KIF16B: variants seen among roughly 807,000 people sequenced by gnomAD.
The protein encoded by KIF16B is kinesin family member 16B, also known as kinesin-like protein KIF16B.
KIF16B carries 98 observed loss-of-function variants against 156.3 expected under a neutral mutation model. That is an observed-to-expected ratio of 0.63 (90% confidence interval 0.53 to 0.74). KIF16B has a LOEUF of 0.74. Ranked by LOEUF, KIF16B falls within the 30% of genes least tolerant of loss-of-function variation. The pLI, the probability that KIF16B is intolerant of heterozygous loss-of-function variation, is 0.00. For missense variants in KIF16B, 1,421 were observed against 1,606.5 expected (o/e 0.88, Z 1.97); for synonymous variants, 564 against 583.7 (o/e 0.97, Z 0.49).
intron 1 of KIF16B, among the ~76,000 whole-genome samples, chr20:16,562,350 T>A (rs62196309): frequency 0.03 from 4,531 of 152,216 alleles, 83 homozygotes; most frequent in Middle Eastern, 0.075. Context: ...TAATATTAAG[T>A]AAACTTAATA....
At chr20:16,414,779 C>A (rs572874520) in intron 15 of KIF16B, among the ~76,000 whole-genome samples, 1 of 152,186 alleles carries the variant, frequency 6.6e-6, no homozygotes, top group South Asian at 2.1e-4. Context: ...TTTCTTAACA[C>A]CTCATGCGAG....
chr20:16,524,455 G>T (rs894120903), intron 3 of KIF16B, among the ~76,000 whole-genome samples: 11 of 152,172 alleles, frequency 7.2e-5, no homozygotes, highest in African/African-American at 2.7e-4. Flanking sequence ...TTAGAGAAAT[G>T]CAAATCAAAA....
chr20:16,419,670 GAGT>G (rs1460649220), intron 15 of KIF16B, among the ~76,000 whole-genome samples: 3 of 152,046 alleles, frequency 2.0e-5, no homozygotes, highest in Admixed American at 6.6e-5. Context: ...AAGACCAAAG[GAGT>G]CCACTTATGT....
At chr20:16,463,408 A>G (rs1021065756) in intron 12 of KIF16B, among the ~76,000 whole-genome samples, 1 of 152,220 alleles carries the variant, frequency 6.6e-6, no homozygotes, top group Non-Finnish European at 1.5e-5. Flanking sequence ...GTATCCTAGC[A>G]TTAGAAAACA....
chr20:16,319,977 G>A (rs576327704), intron 24 of KIF16B, among the ~76,000 whole-genome samples: 9 of 152,218 alleles, frequency 5.9e-5, no homozygotes, highest in East Asian at 1.9e-4. Flanking sequence ...AACACTCAAC[G>A]CAGGCTCATG....
At chr20:16,387,649 G>A (rs1208849105) in intron 17 of KIF16B, among the ~76,000 whole-genome samples, 1 of 152,190 alleles carries the variant, frequency 6.6e-6, no homozygotes, top group South Asian at 2.1e-4. Flanking sequence ...AGGCTTAGAA[G>A]GAAATGTCTG....
chr20:16,427,010 A>G (rs1451716985), intron 15 of KIF16B, 94 bp downstream of exon 15: 1 of 1,116,660 alleles, frequency 9.0e-7, no homozygotes, highest in African/African-American at 1.6e-5. Context: ...CTAATCAATA[A>G]TTAATTCTAA....
At chr20:16,392,616 G>A (rs937951107) in intron 17 of KIF16B, among the ~76,000 whole-genome samples, 7 of 152,222 alleles carry the variant, frequency 4.6e-5, no homozygotes, top group South Asian at 2.1e-4. Flanking sequence ...ACAACATGCC[G>A]ATACGCCTAA....
At chr20:16,484,929 A>AT (rs1239345536) in intron 12 of KIF16B, among the ~76,000 whole-genome samples, 2 of 152,146 alleles carry the variant, frequency 1.3e-5, no homozygotes, top group African/African-American at 2.4e-5. Context: ...CTCGTGGCAG[A>AT]TTTTTTTGCA....
chr20:16,367,082 T>C, intron 22 of KIF16B: 2 of 1,471,212 alleles, frequency 1.4e-6, no homozygotes, highest in Non-Finnish European at 1.8e-6. Flanking sequence ...CTTGACTGTT[T>C]TCACAATGCT....
chr20:16,312,526 C>G, intron 24 of KIF16B, 108 bp from the exon 25 acceptor site: 1 of 864,944 alleles, frequency 1.2e-6, no homozygotes. Flanking sequence ...AAGAAAGAGG[C>G]TGAAAGTTTA....
chr20:16,352,933 G>T lies in KIF16B; in HGVS notation c.3621+3397C>A, dbSNP rs376168524. 3.3e-5 allele frequency among the ~76,000 whole-genome samples: 5 copies of T among 152,326 alleles called. No homozygotes were observed. The South Asian group carries it at 8.3e-4, about 25-fold the overall frequency. ...GCAAACAGGGGTCTTATACCAGGGG[G>T]TGTCAGACCCTGCCCTGCTGGTCAC... On this transcript the variant is annotated intron_variant, in intron 23 of 25. Coordinates refer to ENST00000354981, the MANE Select transcript of KIF16B (RefSeq NM_024704.5).
intron 12 of KIF16B, among the ~76,000 whole-genome samples, chr20:16,455,832 G>A (rs1259077843): frequency 6.6e-6 from 1 of 152,094 alleles, no homozygotes; most frequent in Non-Finnish European, 1.5e-5. Context: ...CCAATGCAGA[G>A]AGAATGTGCC....
At chr20:16,466,902 G>A (rs896305012) in intron 12 of KIF16B, among the ~76,000 whole-genome samples, 1 of 148,394 alleles carries the variant, frequency 6.7e-6, no homozygotes, top group Admixed American at 6.7e-5. Flanking sequence ...AACTCAGTAA[G>A]TTAAACAAAC....
intron 17 of KIF16B, among the ~76,000 whole-genome samples, chr20:16,396,559 C>T (rs112912244): frequency 1.3e-5 from 2 of 149,588 alleles, no homozygotes; most frequent in African/African-American, 4.9e-5. Context: ...CATCTACACA[C>T]AGAGAGGGAG....
intron 17 of KIF16B, among the ~76,000 whole-genome samples, chr20:16,396,220 T>C (rs904716397): frequency 6.6e-6 from 1 of 151,956 alleles, no homozygotes; most frequent in South Asian, 2.1e-4. Flanking sequence ...GGGATCTAGG[T>C]TGCGCGCTCC....
intron 12 of KIF16B, among the ~76,000 whole-genome samples, chr20:16,463,153 T>G (rs2067394227): frequency 6.6e-6 from 1 of 152,220 alleles, no homozygotes; most frequent in Admixed American, 6.5e-5. Context: ...AAAGACCTGC[T>G]CAGGAGCCCC....
intron 12 of KIF16B, among the ~76,000 whole-genome samples, chr20:16,474,399 G>A (rs762610150): frequency 6.6e-6 from 1 of 152,182 alleles, no homozygotes; most frequent in Non-Finnish European, 1.5e-5. Context: ...GAAGTGCTTA[G>A]GGCAGTGCTT....
chr20:16,491,919 G>A (rs187351770), intron 12 of KIF16B, among the ~76,000 whole-genome samples: 2 of 152,326 alleles, frequency 1.3e-5, no homozygotes, highest in Admixed American at 6.5e-5. Context: ...GTATCCAAGA[G>A]CTTAGGATCT....
Sources: allele counts gnomAD v4.1 joint callset (sites outside exome capture counted in the v4.1 genomes callset), GRCh38; gene constraint gnomAD v4.1.1; transcripts MANE v1.5; gene names NCBI Gene and HGNC (gene_info 2026-07-23, HGNC 2026-07-21).